The following ULK2 variants were observed in gnomAD, a reference collection of about 807,000 sequenced individuals.
ULK2 encodes unc-51 like autophagy activating kinase 2.
Under a neutral mutation model 127.5 loss-of-function variants are expected in ULK2, and 76 were observed. That is an observed-to-expected ratio of 0.60 (90% CI 0.50 to 0.72). The LOEUF is 0.72. ULK2 is among the 30% of genes least tolerant of loss of function. The pLI, the probability that ULK2 is intolerant of heterozygous loss-of-function variation, is 0.00. For synonymous variants in ULK2, 452 were observed against 461.9 expected, an observed-to-expected ratio of 0.98 and a Z score of 0.28; for missense variants, 1,144 against 1,295.9, an observed-to-expected ratio of 0.88 and a Z score of 1.80.
chr17:19,813,454 C>CA lies in ULK2; in HGVS notation c.1097-3017dup, dbSNP rs539653806. Among the ~76,000 whole-genome samples the CA allele has an allele frequency of 1.5e-4, 22 of 151,664 alleles. No homozygotes were observed. In the East Asian group the frequency reaches 3.3e-3, roughly 23 times the overall value. ...AAGACAAAAAGATGGAAAATATGACCAAAAAAAGATAAAAATCAGCAGGGC... is the reference window on the plus strand; with the variant it reads ...AAGACAAAAAGATGGAAAATATGACCAAAAAAAAGATAAAAATCAGCAGGGC... On this transcript the variant is annotated intron_variant, in intron 13 of 26. Coordinates refer to ENST00000395544, the MANE Select transcript of ULK2 (RefSeq NM_014683.4).
chr17:19,841,019 A>T (rs1297704929), intron 9 of ULK2, among the ~76,000 whole-genome samples: 1 of 152,162 alleles, frequency 6.6e-6, no homozygotes, highest in Non-Finnish European at 1.5e-5. Flanking sequence ...GTCTTAAACT[A>T]TGTGTGTGTA....
intron 16 of ULK2, among the ~76,000 whole-genome samples, chr17:19,800,095 TTC>T (rs1301496905): frequency 6.6e-6 from 1 of 151,598 alleles, no homozygotes; most frequent in East Asian, 1.9e-4. Context: ...GGCTGAAACC[TTC>T]TCAGACCTAC....
intron 12 of ULK2, 95 bp downstream of exon 12, chr17:19,824,999 A>T: frequency 8.5e-7 from 1 of 1,181,914 alleles, no homozygotes; most frequent in Admixed American, 2.3e-5. Context: ...AACATTACAC[A>T]TAAAAAGAAT....
rs973592260 is a variant in ULK2 at position 19,773,162 on chromosome 17, A to T, written c.*3187T>A. 2.0e-5 allele frequency: 3 copies of T among 152,176 alleles called. No homozygotes were observed. Among genetic ancestry groups the T allele is most frequent in the Non-Finnish European group, 4.4e-5 (3 of 68,088 alleles). The allele number at this position is 152,176 out of a possible 1,614,324, so 9.4% of individuals were successfully genotyped here. On this transcript the variant is annotated 3_prime_UTR_variant, in exon 27 of 27. Transcript: ENST00000395544. ...CGTGGTGGCGCATGTCTGTAATCCT[A>T]GCTACCTGGGAGGCTGAGGAAGAAG...
chr17:19,801,162 G>A (rs1317661858), intron 16 of ULK2, among the ~76,000 whole-genome samples: 1 of 152,120 alleles, frequency 6.6e-6, no homozygotes, highest in Non-Finnish European at 1.5e-5. Context: ...CTTCAACCTA[G>A]GGTTTCTGAC....
chr17:19,781,105 C>T lies in ULK2; in HGVS notation c.2640-1G>A. The stretch of plus-strand genomic sequence containing the variant: ...GTACAACACCAGCTGCTCCACCCGC[C>T]TGCACCCAAAAGACAGTAGCAGAGG... On this transcript the variant is annotated splice_acceptor_variant, in intron 23 of 26. Transcript: ENST00000395544. LOFTEE classifies it high-confidence loss of function. 6.2e-7 allele frequency: 1 copy of T among 1,613,612 alleles called. No homozygotes were observed. The highest frequency in any genetic ancestry group is 8.5e-7 in the Non-Finnish European group (1 of 1,179,772).
chr17:19,797,803 AT>A (rs2087307493), intron 17 of ULK2, 121 bp from the exon 18 acceptor site: 1 of 988,094 alleles, frequency 1.0e-6, no homozygotes, highest in Non-Finnish European at 1.4e-6. Flanking sequence ...TTCATAAGAC[AT>A]TCTAAAAGTG....
rs116360374 is a variant in ULK2 at position 19,837,081 on chromosome 17, G to A, written c.787+1420C>T. On this transcript the variant is annotated intron_variant, in intron 10 of 26. Coordinates refer to ENST00000395544, the MANE Select transcript of ULK2 (RefSeq NM_014683.4). ...AGTCCAGCCTGGGTAACAGAGTGAGGCCTTTTCTCTAATAAAAGAAAAAAA... is the reference window on the plus strand; with the variant it reads ...AGTCCAGCCTGGGTAACAGAGTGAGACCTTTTCTCTAATAAAAGAAAAAAA... 4.3e-3 allele frequency among the ~76,000 whole-genome samples: 643 copies of A among 150,744 alleles called. 4 individuals are homozygous for A. The highest frequency in any genetic ancestry group is 0.015 in the African/African-American group (617 of 41,054).
At chr17:19,826,698 G>A (rs879435058) in intron 10 of ULK2, among the ~76,000 whole-genome samples, 74 of 152,230 alleles carry the variant, frequency 4.9e-4, no homozygotes, top group Admixed American at 5.9e-4. Context: ...GCTCACGCCC[G>A]TAAGCCCAGC....
chr17:19,798,170 A>C (rs963287817), intron 17 of ULK2, among the ~76,000 whole-genome samples: 1 of 152,210 alleles, frequency 6.6e-6, no homozygotes, highest in African/African-American at 2.4e-5. Context: ...ACAAATATAT[A>C]TAACGTGTAG....
Position 19,829,548 on chromosome 17 carries a change from A to AAGGGGGGGGGG in ULK2, c.788-3363_788-3362insCCCCCCCCCCT, listed in dbSNP as rs531835867. ...TGAGACCCTGTCAAGGAAAAAAAAA[A>AAGGGGGGGGGG]GGGGGGGGGCTGGGCACGGTAGCTC... On this transcript the variant is annotated intron_variant, in intron 10 of 26. Transcript: ENST00000395544. Among the ~76,000 whole-genome samples the AAGGGGGGGGGG allele has an allele frequency of 6.7e-4, 17 of 25,500 alleles. 5 individuals carry two copies. The highest frequency in any genetic ancestry group is 1.1e-3 in the Admixed American group (2 of 1,808). The allele number at this position is 25,500 out of a possible 152,430, so 16.7% of individuals were successfully genotyped here.
At position 19,771,728 on chromosome 17, in the gene ULK2, A is replaced by C. The variant is rs1351529884; in HGVS notation, c.*4621T>G. ...GGAGGGGAGGAACTTGCCAAAGAAC[A>C]CACAACTGCACATGGTGGAGCTGGA... On this transcript the variant is annotated 3_prime_UTR_variant, in exon 27 of 27. Transcript: ENST00000395544. 1 of 152,246 alleles carries C rather than the reference A, an allele frequency of 6.6e-6. No homozygotes were observed. Among genetic ancestry groups the C allele is most frequent in the East Asian group, 1.9e-4 (1 of 5,200 alleles). 9.4% of individuals were successfully genotyped at this position (152,246 alleles called of 1,614,324 possible). A position where few individuals can be genotyped will look rare whatever the true frequency, so the allele number is the denominator to read the frequency against.
At chr17:19,830,590 T>G (rs1421890103) in intron 10 of ULK2, among the ~76,000 whole-genome samples, 1 of 144,506 alleles carries the variant, frequency 6.9e-6, no homozygotes, top group Non-Finnish European at 1.5e-5. Context: ...CCGGGCGCAG[T>G]GGTTCATGCC....
intron 14 of ULK2, among the ~76,000 whole-genome samples, chr17:19,806,992 T>G (rs1322613280): frequency 1.3e-5 from 2 of 152,166 alleles, no homozygotes; most frequent in Non-Finnish European, 2.9e-5. Context: ...AAATCCCCAG[T>G]TGCCTCTTTG....
intron 8 of ULK2, 90 bp from the exon 9 acceptor site, chr17:19,841,637 G>C: frequency 1.0e-6 from 1 of 992,584 alleles, no homozygotes; most frequent in South Asian, 1.7e-5. Context: ...TTTTTTTAAG[G>C]GATTGAGGGA....
In ULK2 at chr17:19,777,080, T is replaced by TGTATCTAC. The variant is rs1555549714; in HGVS notation, c.3052+500_3052+501insGTAGATAC. 7.9e-5 allele frequency among the ~76,000 whole-genome samples: 12 copies of TGTATCTAC among 152,214 alleles called. No individual in the cohort carries two copies. The East Asian group carries it at 2.3e-3, about 30-fold the overall frequency. ...ATCTATCTATGTATCTATGTATGTA[T>TGTATCTAC]CTACCTACCTACCTACCTATCTACC... On this transcript the variant is annotated intron_variant, in intron 26 of 26. Transcript: ENST00000395544.
intron 3 of ULK2, among the ~76,000 whole-genome samples, chr17:19,863,339 A>G (rs2042282850): frequency 6.6e-6 from 1 of 152,192 alleles, no homozygotes; most frequent in South Asian, 2.1e-4. Context: ...CCCGAATTCA[A>G]CCGTCCAGAC....
intron 20 of ULK2, among the ~76,000 whole-genome samples, chr17:19,794,844 T>C (rs1303580519): frequency 6.6e-6 from 1 of 151,994 alleles, no homozygotes; most frequent in Non-Finnish European, 1.5e-5. Context: ...TTTGGGAGGC[T>C]GAGATGGGTG....
chr17:19,855,659 CCAAA>C (rs1640068950), intron 3 of ULK2: 1 of 145,834 alleles, frequency 6.9e-6, no homozygotes, highest in Non-Finnish European at 1.5e-5. Context: ...CACAAAAATA[CCAAA>C]CAAAATGGGA....
Sources: allele counts gnomAD v4.1 joint callset (sites outside exome capture counted in the v4.1 genomes callset), GRCh38; gene constraint gnomAD v4.1.1; transcripts MANE v1.5; gene names NCBI Gene and HGNC (gene_info 2026-07-23, HGNC 2026-07-21).